CSMD1: variants seen among roughly 807,000 people sequenced by gnomAD.
CSMD1 encodes CUB and sushi domain-containing protein 1.
CSMD1 carries 213 observed loss-of-function variants against 417.5 expected under a neutral mutation model. The observed-to-expected ratio is 0.51, with a 90% confidence interval of 0.46 to 0.57. CSMD1 has a LOEUF of 0.57. CSMD1 is among the 20% of genes least tolerant of loss of function. CSMD1 has a pLI of 0.00. For synonymous variants in CSMD1, 2,862 were observed against 1,736.8 expected, an observed-to-expected ratio of 1.65 and a Z score of -16.11; for missense variants, 6,923 against 4,529.7, an observed-to-expected ratio of 1.53 and a Z score of -15.17.
At chr8:3,112,932 C>G (rs1816613286) in intron 42 of CSMD1, 1 of 152,202 alleles carries the variant, frequency 6.6e-6, no homozygotes. Context: ...TTTCCTCTCT[C>G]ATTTCCCCTG....
At chr8:4,815,333 A>G (rs1380796221) in intron 1 of CSMD1, among the ~76,000 whole-genome samples, 1 of 152,162 alleles carries the variant, frequency 6.6e-6, no homozygotes, top group East Asian at 1.9e-4. Context: ...AAGGTATGAC[A>G]TCACAGTCCC....
intron 2 of CSMD1, among the ~76,000 whole-genome samples, chr8:4,575,943 T>C (rs917723902): frequency 6.6e-6 from 1 of 152,178 alleles, no homozygotes; most frequent in South Asian, 2.1e-4. Context: ...CCACAGCACA[T>C]CACCAAATCA....
At chr8:4,871,639 G>A (rs1053183243) in intron 1 of CSMD1, among the ~76,000 whole-genome samples, 1 of 152,056 alleles carries the variant, frequency 6.6e-6, no homozygotes, top group African/African-American at 2.4e-5. Context: ...AACCCAGATA[G>A]CAAACAACTC....
At chr8:3,501,405 G>C (rs1026235665) in intron 10 of CSMD1, among the ~76,000 whole-genome samples, 1 of 152,132 alleles carries the variant, frequency 6.6e-6, no homozygotes, top group Non-Finnish European at 1.5e-5. Flanking sequence ...TAACATGTTT[G>C]TGTCAGAAAC....
intron 22 of CSMD1, among the ~76,000 whole-genome samples, chr8:3,344,299 A>G (rs1210507111): frequency 2.6e-5 from 4 of 152,172 alleles, no homozygotes; most frequent in Non-Finnish European, 5.9e-5. Flanking sequence ...GGCTCAGGTA[A>G]CAGAAACAGC....
chr8:3,446,272 T>C (rs1815302181), intron 12 of CSMD1, among the ~76,000 whole-genome samples: 2 of 152,256 alleles, frequency 1.3e-5, no homozygotes, highest in South Asian at 4.1e-4. Context: ...AAACGTGTGC[T>C]GCATGGGCTA....
intron 3 of CSMD1, among the ~76,000 whole-genome samples, chr8:4,224,113 A>G (rs761287803): frequency 1.3e-5 from 2 of 152,190 alleles, no homozygotes; most frequent in African/African-American, 2.4e-5. Context: ...GGCTAAGAGT[A>G]ACTGAACATA....
In CSMD1 at chr8:4,101,397, G is replaced by C. The variant is rs541996835; in HGVS notation, c.416-69298C>G. On this transcript the variant is annotated intron_variant, in intron 3 of 69. Transcript: ENST00000635120. ...GGGGCCCTGACAACGATCCCACTCA[G>C]GTTGGTTGGGCAGGTGAATATTTTC... Among the ~76,000 whole-genome samples the C allele has an allele frequency of 1.1e-3, 168 of 152,236 alleles. 2 individuals are homozygous for C. In the South Asian group the frequency reaches 0.023, roughly 21 times the overall value.
rs115983953 is a variant in CSMD1 at position 4,232,227 on chromosome 8, G to A, written c.415+187726C>T. Among the ~76,000 whole-genome samples, 18 of 152,116 alleles carry A rather than the reference G, an allele frequency of 1.2e-4. 1 individual carries two copies. The highest frequency in any genetic ancestry group is 4.1e-4 in the African/African-American group (17 of 41,500). On this transcript the variant is annotated intron_variant, in intron 3 of 69. Coordinates refer to ENST00000635120, the MANE Select transcript of CSMD1 (RefSeq NM_033225.6). ...TTATTTATTTTTAAGACAGAGTCTCGCTCTGTCAGTCACCAGGCTGTAGTG... is the reference window on the plus strand; with the variant it reads ...TTATTTATTTTTAAGACAGAGTCTCACTCTGTCAGTCACCAGGCTGTAGTG...
At chr8:3,362,533 C>G (rs138855965) in intron 20 of CSMD1, among the ~76,000 whole-genome samples, 1 of 152,186 alleles carries the variant, frequency 6.6e-6, no homozygotes, top group African/African-American at 2.4e-5. Context: ...TTGGCTGATT[C>G]GGAACTTCTG....
intron 3 of CSMD1, among the ~76,000 whole-genome samples, chr8:4,146,968 CAG>C (rs1373528666): frequency 6.6e-6 from 1 of 151,954 alleles, no homozygotes; most frequent in African/African-American, 2.4e-5. Context: ...GCATCTTCAT[CAG>C]GTAAGAGCTC....
rs545875133 is a variant in CSMD1 at position 3,919,637 on chromosome 8, A to G, written c.818+78266T>C. Reference sequence around the variant, plus strand: ...TCTCTGGTCTTTTGTGATTCCATACAAATTTTATGACTTTTTTTTCTATTT... The same window carrying G: ...TCTCTGGTCTTTTGTGATTCCATACGAATTTTATGACTTTTTTTTCTATTT... On this transcript the variant is annotated intron_variant, in intron 5 of 69. Coordinates refer to ENST00000635120, the MANE Select transcript of CSMD1 (RefSeq NM_033225.6). Among the ~76,000 whole-genome samples the G allele has an allele frequency of 2.0e-5, 3 of 152,254 alleles. No individual in the cohort carries two copies. The South Asian group carries it at 6.2e-4, about 32-fold the overall frequency.
intron 1 of CSMD1, among the ~76,000 whole-genome samples, chr8:4,790,870 A>G (rs1415475418): frequency 6.6e-6 from 1 of 152,190 alleles, no homozygotes; most frequent in African/African-American, 2.4e-5. Context: ...AACCTAAACT[A>G]TAAAAACCCT....
intron 5 of CSMD1, among the ~76,000 whole-genome samples, chr8:3,907,728 G>A (rs924367567): frequency 6.6e-6 from 1 of 152,174 alleles, no homozygotes; most frequent in African/African-American, 2.4e-5. Context: ...GAAGTGTTAT[G>A]TGAGTAATCT....
At chr8:3,042,796 G>C (rs568486462) in intron 50 of CSMD1, among the ~76,000 whole-genome samples, 2 of 152,170 alleles carry the variant, frequency 1.3e-5, no homozygotes, top group East Asian at 1.9e-4. Context: ...TCTACATTGA[G>C]TTATTTATAT....
intron 3 of CSMD1, among the ~76,000 whole-genome samples, chr8:4,313,499 G>C (rs1287337113): frequency 1.1e-5 from 1 of 88,350 alleles, no homozygotes; most frequent in African/African-American, 4.5e-5. Context: ...GGTCTTACAT[G>C]TCAAAATGAA....
chr8:3,547,095 G>T (rs1161534730), intron 10 of CSMD1, among the ~76,000 whole-genome samples: 2 of 152,136 alleles, frequency 1.3e-5, no homozygotes, highest in African/African-American at 4.8e-5. Context: ...CCAATAACGT[G>T]GGCTACAGGT....
At chr8:3,777,363 G>A (rs1391761089) in intron 5 of CSMD1, among the ~76,000 whole-genome samples, 1 of 152,062 alleles carries the variant, frequency 6.6e-6, no homozygotes, top group Non-Finnish European at 1.5e-5. Flanking sequence ...GCCTCCAGAT[G>A]AGCTAACTGC....
intron 50 of CSMD1, among the ~76,000 whole-genome samples, chr8:3,044,525 C>A (rs1403174998): frequency 2.0e-5 from 3 of 152,106 alleles, no homozygotes; most frequent in Non-Finnish European, 4.4e-5. Context: ...TTTTGTCAGA[C>A]TGTTAAACCC....
Sources: allele counts gnomAD v4.1 joint callset (sites outside exome capture counted in the v4.1 genomes callset), GRCh38; gene constraint gnomAD v4.1.1; transcripts MANE v1.5; gene names NCBI Gene and HGNC (gene_info 2026-07-23, HGNC 2026-07-21).